Variants in CADPS observed in about 807,000 individuals in gnomAD.
CADPS encodes calcium dependent secretion activator, also known as calcium-dependent secretion activator 1.
Under a neutral mutation model 167.3 loss-of-function variants are expected in CADPS, and 57 were observed. The ratio of observed to expected loss-of-function variants is 0.34; its 90% CI spans 0.28 to 0.42. CADPS has a LOEUF of 0.42. Among genes scored for constraint, CADPS ranks in the 20% least tolerant of loss-of-function variants. The probability of loss-of-function intolerance (pLI) is 1.00; values close to 1 mark genes in which losing one functional copy is unlikely to be tolerated. For missense variants in CADPS, 1,414 were observed against 1,738.1 expected, an observed-to-expected ratio of 0.81 and a Z score of 3.32; for synonymous variants, 676 against 635.3, an observed-to-expected ratio of 1.06 and a Z score of -0.96.
chr3:62,407,013 C>A (rs139180207), intron 28 of CADPS, among the ~76,000 whole-genome samples: 291 of 152,230 alleles, frequency 1.9e-3, no homozygotes, highest in Non-Finnish European at 2.9e-3. Flanking sequence ...GACTAACTAG[C>A]CTTTTATAGG....
intron 17 of CADPS, among the ~76,000 whole-genome samples, chr3:62,507,243 C>G (rs1353997367): frequency 6.6e-6 from 1 of 152,146 alleles, no homozygotes; most frequent in Non-Finnish European, 1.5e-5. Context: ...TCTTAGGGGT[C>G]CAGTCTTTGA....
At chr3:62,569,423 C>T (rs1051000579) in intron 9 of CADPS, among the ~76,000 whole-genome samples, 2 of 152,136 alleles carry the variant, frequency 1.3e-5, no homozygotes, top group African/African-American at 4.8e-5. Flanking sequence ...TTCTGAGGGA[C>T]GGGCATCATT....
chr3:62,767,391 A>G (rs1245459663), intron 1 of CADPS, among the ~76,000 whole-genome samples: 1 of 152,208 alleles, frequency 6.6e-6, no homozygotes, highest in Non-Finnish European at 1.5e-5. Context: ...TCTCACTTGG[A>G]AAATGGTGGT....
intron 1 of CADPS, among the ~76,000 whole-genome samples, chr3:62,808,906 C>CCTCTTCCTCCTCCAA (rs1362400941): frequency 1.3e-5 from 2 of 152,152 alleles, no homozygotes; most frequent in African/African-American, 2.4e-5. Context: ...CCATCCTAAA[C>CCTCTTCCTCCTCCAA]CTCTTCCTCC....
intron 3 of CADPS, among the ~76,000 whole-genome samples, chr3:62,719,648 T>G (rs565503027): frequency 6.6e-6 from 1 of 152,366 alleles, no homozygotes; most frequent in Non-Finnish European, 1.5e-5. Flanking sequence ...AATTGGGTAA[T>G]CTGCAAATAA....
intron 20 of CADPS, among the ~76,000 whole-genome samples, chr3:62,492,024 C>A (rs9871763): frequency 0.25 from 38,344 of 151,910 alleles, 6,232 homozygotes; most frequent in African/African-American, 0.47. Flanking sequence ...GAGAGACAAT[C>A]AAACACACAA....
intron 8 of CADPS, among the ~76,000 whole-genome samples, chr3:62,584,002 CCT>C (rs2084024461): frequency 1.7e-5 from 2 of 119,086 alleles, no homozygotes; most frequent in South Asian, 3.6e-4. Flanking sequence ...TCTACCCAAT[CCT>C]CTTTTTTTTT....
intron 6 of CADPS, among the ~76,000 whole-genome samples, chr3:62,613,212 G>C (rs145140691): frequency 5.9e-5 from 9 of 152,162 alleles, no homozygotes; most frequent in Non-Finnish European, 1.3e-4. Flanking sequence ...CTCAACAGAA[G>C]GAAGCGATCT....
chr3:62,516,595 G>C lies in CADPS; in HGVS notation c.2442C>G (p.Leu814=), dbSNP rs2069053324. The change falls in exon 15 of 30, where the codon CTC becomes CTG. Residue 814 remains leucine (L), a synonymous_variant. Transcript: ENST00000383710. The part of the protein sequence containing the change: ...GRPEGALKAT[L]SLLERVLMKD... ...TCATTCTTACCCTTTCCAAGAGTGA[G>C]AGAGTAGCTTTCAAAGCACCTTCAG... is the stretch of plus-strand genomic sequence containing the variant. 1 of 1,605,412 alleles carries C rather than the reference G, an allele frequency of 6.2e-7. No individual in the cohort carries two copies. Among genetic ancestry groups the C allele is most frequent in the Admixed American group, 1.7e-5 (1 of 59,694 alleles).
intron 21 of CADPS, among the ~76,000 whole-genome samples, chr3:62,489,966 A>G (rs966674388): frequency 6.6e-6 from 1 of 152,128 alleles, no homozygotes; most frequent in African/African-American, 2.4e-5. Context: ...TAAAATTTAA[A>G]TTTCTTGGTA....
In CADPS at chr3:62,530,661, G is replaced by A. The variant is rs1317222197; in HGVS notation, c.2291+2210C>T. On this transcript the variant is annotated intron_variant, in intron 13 of 29. Coordinates refer to ENST00000383710, the MANE Select transcript of CADPS (RefSeq NM_003716.4). ...ACACACATAACTTCTTACCTTTTCA[G>A]CTCTTGATTTGCCTGGGTTTTGGAA... is the stretch of plus-strand genomic sequence containing the variant. 7 of 1,287,286 alleles carry A rather than the reference G, an allele frequency of 5.4e-6. No homozygotes were observed. In the South Asian group the frequency reaches 8.7e-5, roughly 16 times the overall value. 79.7% of individuals were successfully genotyped at this position (1,287,286 alleles called of 1,614,324 possible).
intron 5 of CADPS, among the ~76,000 whole-genome samples, chr3:62,647,191 A>G (rs543986136): frequency 6.6e-6 from 1 of 152,322 alleles, no homozygotes; most frequent in Admixed American, 6.5e-5. Context: ...AAAACAGGTA[A>G]TGGTATTACA....
rs376804685 is a variant in CADPS, at chr3:62,592,670, G to C, written c.1404C>G (p.Gly468=). The change falls in exon 7 of 30, where the codon GGC becomes GGG. Residue 468 remains glycine (G), a synonymous_variant. Transcript: ENST00000383710. ...VKVKLFTEST[G]VLALEDKELG... ...GCTCCTTGTCCTCCAACGCCAGGACGCCTGTGCTCTCTGTGAACAGCTTCA... is the reference window on the plus strand; with the variant it reads ...GCTCCTTGTCCTCCAACGCCAGGACCCCTGTGCTCTCTGTGAACAGCTTCA... 1 of 1,613,948 alleles carries C rather than the reference G, an allele frequency of 6.2e-7. No homozygotes were observed. Among genetic ancestry groups the C allele is most frequent in the Non-Finnish European group, 8.5e-7 (1 of 1,179,822 alleles).
chr3:62,737,865 A>G (rs1217062505), intron 3 of CADPS, among the ~76,000 whole-genome samples: 1 of 152,150 alleles, frequency 6.6e-6, no homozygotes, highest in Non-Finnish European at 1.5e-5. Flanking sequence ...TTCTCTGTCT[A>G]CATAATCTCA....
intron 1 of CADPS, among the ~76,000 whole-genome samples, chr3:62,813,384 A>G (rs2094472757): frequency 6.6e-6 from 1 of 152,138 alleles, no homozygotes; most frequent in Non-Finnish European, 1.5e-5. Context: ...TTGTACAATA[A>G]GTGGTGCTGA....
At chr3:62,835,349 C>T (rs1415526247) in intron 1 of CADPS, among the ~76,000 whole-genome samples, 1 of 152,082 alleles carries the variant, frequency 6.6e-6, no homozygotes, top group Non-Finnish European at 1.5e-5. Flanking sequence ...TTGTAAAGTG[C>T]CACACTTCAG....
At chr3:62,818,864 T>G (rs1378763300) in intron 1 of CADPS, among the ~76,000 whole-genome samples, 1 of 152,176 alleles carries the variant, frequency 6.6e-6, no homozygotes, top group Non-Finnish European at 1.5e-5. Flanking sequence ...GACAATCTAC[T>G]GATACACACA....
At chr3:62,505,821 G>A (rs979370057) in intron 17 of CADPS, among the ~76,000 whole-genome samples, 2 of 152,146 alleles carry the variant, frequency 1.3e-5, no homozygotes, top group Admixed American at 6.5e-5. Flanking sequence ...AGGGAATTCT[G>A]TATTTCTAGG....
chr3:62,807,553 A>G (rs186840130), intron 1 of CADPS, among the ~76,000 whole-genome samples: 1 of 151,654 alleles, frequency 6.6e-6, no homozygotes, highest in East Asian at 2.0e-4. Context: ...TGAGCCACCG[A>G]GCCTGGCCAT....
Sources: allele counts gnomAD v4.1 joint callset (sites outside exome capture counted in the v4.1 genomes callset), GRCh38; gene constraint gnomAD v4.1.1; transcripts MANE v1.5; gene names NCBI Gene and HGNC (gene_info 2026-07-23, HGNC 2026-07-21).